PSME3IP1: variants seen among roughly 807,000 people sequenced by gnomAD.
PSME3IP1 encodes the protein PSME3-interacting protein.
A neutral mutation model predicts 34.1 loss-of-function variants in PSME3IP1; 13 were observed. That is an observed-to-expected ratio of 0.38 (90% CI 0.25 to 0.61). PSME3IP1 has a LOEUF of 0.61. PSME3IP1 is among the 20% of genes least tolerant of loss of function. The pLI is 0.60. For missense variants in PSME3IP1, 237 were observed against 301.4 expected (o/e 0.79, Z 1.58); for synonymous variants, 93 against 114.3 (o/e 0.81, Z 1.19).
chr16:57,168,968 A>C lies in PSME3IP1; in HGVS notation c.349-1742T>G, dbSNP rs550423115. 5.2e-3 allele frequency among the ~76,000 whole-genome samples: 789 copies of C among 152,210 alleles called. 7 individuals are homozygous for C. The highest frequency in any genetic ancestry group is 0.018 in the African/African-American group (729 of 41,556). The stretch of plus-strand genomic sequence containing the variant: ...AAAAAAAAACAAAAATGGAAAAAAA[A>C]CACAACAAAAGCATGTATATATTTA... On this transcript the variant is annotated intron_variant, in intron 4 of 6. Transcript: ENST00000309137.
chr16:57,172,207 G>A (rs771661224), intron 4 of PSME3IP1, 44 bp downstream of exon 4: 5 of 1,606,206 alleles, frequency 3.1e-6, no homozygotes, highest in Non-Finnish European at 4.2e-6. Context: ...ATGCTGATGA[G>A]AAAATGGACA....
In PSME3IP1 at chr16:57,152,503, T is replaced by C. The variant is rs2070051462; in HGVS notation, c.*1787A>G. 6.6e-6 allele frequency: 1 copy of C among 152,288 alleles called. No individual in the cohort carries two copies. Among genetic ancestry groups the C allele is most frequent in the South Asian group, 2.1e-4 (1 of 4,836 alleles). 9.4% of individuals were successfully genotyped at this position (152,288 alleles called of 1,614,324 possible). A position where few individuals can be genotyped will look rare whatever the true frequency, so the allele number is the denominator to read the frequency against. On this transcript the variant is annotated 3_prime_UTR_variant, in exon 7 of 7. Coordinates refer to ENST00000309137, the MANE Select transcript of PSME3IP1 (RefSeq NM_024946.4). ...ACAGGTTTATTAGCTTTCATGTTAA[T>C]GGATGTTTTTAAACCCTGCAACCCT...
chr16:57,177,401 G>A (rs191298433), intron 1 of PSME3IP1, among the ~76,000 whole-genome samples: 2 of 146,586 alleles, frequency 1.4e-5, no homozygotes, highest in Admixed American at 6.8e-5. Flanking sequence ...TGCCCAGGCT[G>A]GTCTCAAACT....
intron 1 of PSME3IP1, chr16:57,175,723 T>C (rs1366763782): frequency 6.6e-6 from 1 of 152,192 alleles, no homozygotes; most frequent in Non-Finnish European, 1.5e-5. Context: ...ATGCATACTC[T>C]TACCAACTTT....
chr16:57,156,935 A>G (rs2070604149), intron 6 of PSME3IP1, among the ~76,000 whole-genome samples: 1 of 152,248 alleles, frequency 6.6e-6, no homozygotes, highest in African/African-American at 2.4e-5. Flanking sequence ...CACTGTTTAT[A>G]GTAGCAAAAG....
At chr16:57,179,761 C>T (rs1198829652) in intron 1 of PSME3IP1, among the ~76,000 whole-genome samples, 2 of 152,182 alleles carry the variant, frequency 1.3e-5, no homozygotes, top group East Asian at 3.8e-4. Flanking sequence ...GCTTCACTTT[C>T]AGTAGCAAAA....
intron 2 of PSME3IP1, 145 bp downstream of exon 2, chr16:57,173,583 C>T (rs890156990): frequency 7.1e-5 from 62 of 868,220 alleles, no homozygotes; most frequent in Non-Finnish European, 9.9e-5. Flanking sequence ...GAGCCAAGAT[C>T]GCGCCACTGC....
intron 1 of PSME3IP1, among the ~76,000 whole-genome samples, chr16:57,182,004 G>A (rs190523122): frequency 1.1e-4 from 16 of 152,188 alleles, no homozygotes; most frequent in African/African-American, 2.9e-4. Flanking sequence ...TCATCAGCTC[G>A]TCTGCCTTCT....
intron 5 of PSME3IP1, among the ~76,000 whole-genome samples, chr16:57,164,802 C>A (rs375071469): frequency 6.6e-6 from 1 of 152,160 alleles, no homozygotes; most frequent in South Asian, 2.1e-4. Flanking sequence ...GAGGCCAAGA[C>A]GGACGGATCA....
chr16:57,172,425 A>AT (rs2072695844), intron 3 of PSME3IP1, 53 bp from the exon 4 acceptor site: 15 of 1,574,338 alleles, frequency 9.5e-6, no homozygotes, highest in Non-Finnish European at 9.5e-6. Flanking sequence ...GAAAAATAAG[A>AT]TTTTTCCTTT....
rs536479674 is a variant in PSME3IP1, at chr16:57,164,955, C to T, written c.483-890G>A. ...CTGAGGCATGAGAATCGCTTGAACC[C>T]GGGAGGCACAGGTGTGCCAAGATTG... On this transcript the variant is annotated intron_variant, in intron 5 of 6. Coordinates refer to ENST00000309137, the MANE Select transcript of PSME3IP1 (RefSeq NM_024946.4). 2.5e-4 allele frequency among the ~76,000 whole-genome samples: 37 copies of T among 150,908 alleles called. No individual in the cohort carries two copies. The South Asian group carries it at 5.7e-3, about 23-fold the overall frequency.
In PSME3IP1 at chr16:57,167,295, G is replaced by A. The variant is rs548727747; in HGVS notation, c.349-69C>T. On this transcript the variant is annotated intron_variant, in intron 4 of 6. Transcript: ENST00000309137. ...ACAAATATAACCCACTAGCCCTTCG[G>A]CTGTGCGATGTAATGTCTGGCCTAC... The A allele has an allele frequency of 2.5e-4, 384 of 1,560,648 alleles. 1 individual carries two copies. Among genetic ancestry groups the A allele is most frequent in the Non-Finnish European group, 3.3e-4 (378 of 1,132,780 alleles).
intron 1 of PSME3IP1, among the ~76,000 whole-genome samples, chr16:57,178,105 T>C (rs1316175762): frequency 6.6e-6 from 1 of 152,236 alleles, no homozygotes; most frequent in Non-Finnish European, 1.5e-5. Context: ...TAAATTTCTG[T>C]AAGTTTAAAA....
chr16:57,173,958 T>A, intron 1 of PSME3IP1, 89 bp from the exon 2 acceptor site: 1 of 1,333,682 alleles, frequency 7.5e-7, no homozygotes, highest in Non-Finnish European at 1.0e-6. Flanking sequence ...TTTAGCTCCA[T>A]CTCACCCAGC....
chr16:57,159,831 G>A (rs551547134), intron 6 of PSME3IP1, among the ~76,000 whole-genome samples: 5 of 152,218 alleles, frequency 3.3e-5, no homozygotes, highest in South Asian at 2.1e-4. Context: ...TATAAAGAGC[G>A]ACTAGCTTAC....
intron 1 of PSME3IP1, among the ~76,000 whole-genome samples, chr16:57,182,576 ACT>A (rs2073824468): frequency 1.4e-5 from 2 of 142,908 alleles, no homozygotes; most frequent in Admixed American, 7.0e-5. Context: ...AAAAAAAAAA[ACT>A]TTGCATTACA....
intron 1 of PSME3IP1, among the ~76,000 whole-genome samples, chr16:57,182,566 A>AC (rs2073819876): frequency 1.3e-5 from 2 of 149,114 alleles, no homozygotes; most frequent in South Asian, 2.1e-4. Flanking sequence ...AAAAAAAAAA[A>AC]AAAAAAAAAA....
At position 57,152,890 on chromosome 16, in the gene PSME3IP1, A is replaced by T. The variant is rs1177725836; in HGVS notation, c.*1400T>A. On this transcript the variant is annotated 3_prime_UTR_variant, in exon 7 of 7. Coordinates refer to ENST00000309137, the MANE Select transcript of PSME3IP1 (RefSeq NM_024946.4). ...GGCACCAGAGTGTCACTGTACTGGA[A>T]GGGGAAAAGGAGTGGGCTGGATGAG... The T allele has an allele frequency of 1.3e-5, 2 of 152,582 alleles. No individual in the cohort carries two copies. Among genetic ancestry groups the T allele is most frequent in the East Asian group, 3.8e-4 (2 of 5,196 alleles). The allele number at this position is 152,582 out of a possible 1,614,324, so 9.5% of individuals were successfully genotyped here. A position where few individuals can be genotyped will look rare whatever the true frequency, so the allele number is the denominator to read the frequency against.
intron 1 of PSME3IP1, among the ~76,000 whole-genome samples, chr16:57,181,092 T>C (rs571053227): frequency 1.2e-3 from 178 of 152,312 alleles, no homozygotes; most frequent in African/African-American, 4.1e-3. Context: ...TTTATTTATC[T>C]TTCCATAGCA....
Sources: gnomAD v4.1 joint callset for allele counts (sites outside exome capture counted in the v4.1 genomes callset) on GRCh38, gnomAD v4.1.1 for gene constraint, MANE v1.5 for transcripts, NCBI Gene and HGNC (gene_info 2026-07-23, HGNC 2026-07-21) for gene names.